Variants in RYR3 observed in about 807,000 individuals in gnomAD.
RYR3 encodes the protein brain ryanodine receptor-calcium release channel.
Under a neutral mutation model 584.3 loss-of-function variants are expected in RYR3, and 207 were observed. That is an observed-to-expected ratio of 0.35 (90% CI 0.32 to 0.40). RYR3 has a LOEUF of 0.40. Among genes scored for constraint, RYR3 ranks in the 10% least tolerant of loss-of-function variants. RYR3 has a pLI of 1.00. For missense variants in RYR3, 5,616 were observed against 6,089.2 expected, an observed-to-expected ratio of 0.92 and a Z score of 2.59; for synonymous variants, 2,416 against 2,248.5, an observed-to-expected ratio of 1.07 and a Z score of -2.11.
At chr15:33,833,893 CTTA>C (rs1596891843) in intron 86 of RYR3, among the ~76,000 whole-genome samples, 1 of 152,142 alleles carries the variant, frequency 6.6e-6, no homozygotes, top group East Asian at 1.9e-4. Flanking sequence ...TTAGAACTTT[CTTA>C]TTGAGTAATT....
chr15:33,700,399 C>T (rs571381647), intron 41 of RYR3, among the ~76,000 whole-genome samples: 2 of 152,216 alleles, frequency 1.3e-5, no homozygotes, highest in Non-Finnish European at 1.5e-5. Context: ...TGGGTATAAA[C>T]GAAATGAATG....
chr15:33,856,030 GTGACAGCCTCACAACTACC>G, intron 98 of RYR3: 1 of 152,240 alleles, frequency 6.6e-6, no homozygotes, highest in Admixed American at 6.5e-5. Context: ...CCCAGTTACT[GTGACAGCCTCACAACTACC>G]TGGTAAGGCA....
chr15:33,478,325 A>G (rs2049619714), intron 2 of RYR3, among the ~76,000 whole-genome samples: 1 of 152,164 alleles, frequency 6.6e-6, no homozygotes, highest in African/African-American at 2.4e-5. Flanking sequence ...AGAGCTTGAG[A>G]GGGTCCACGT....
intron 83 of RYR3, 133 bp from the exon 84 acceptor site, chr15:33,826,539 C>A: frequency 1.2e-6 from 1 of 853,104 alleles, no homozygotes; most frequent in South Asian, 1.4e-5. Context: ...TTGGGCTTTT[C>A]ACCATTCATC....
In RYR3 at chr15:33,830,485, C is replaced by T. The variant is rs928553659; in HGVS notation, c.11335-478C>T. Among the ~76,000 whole-genome samples, 8 of 152,144 alleles carry T rather than the reference C, an allele frequency of 5.3e-5. No homozygotes were observed. In the South Asian group the frequency reaches 8.3e-4, roughly 16 times the overall value. On this transcript the variant is annotated intron_variant, in intron 85 of 103. Coordinates refer to ENST00000634891, the MANE Select transcript of RYR3 (RefSeq NM_001036.6). ...ATATTGTAAACATAACTTTGATGTA[C>T]GCTGAGAAATCAACATTTTGTATGA... is the stretch of plus-strand genomic sequence containing the variant.
chr15:33,564,378 C>G (rs2057582459), intron 11 of RYR3, among the ~76,000 whole-genome samples: 1 of 152,134 alleles, frequency 6.6e-6, no homozygotes, highest in Non-Finnish European at 1.5e-5. Context: ...TAGGGATATA[C>G]AAGTCAGGGT....
intron 1 of RYR3, among the ~76,000 whole-genome samples, chr15:33,335,085 G>A (rs1970803269): frequency 1.3e-5 from 2 of 152,220 alleles, no homozygotes; most frequent in Non-Finnish European, 2.9e-5. Flanking sequence ...TGTTGGGAGT[G>A]TAAATTAGTT....
intron 1 of RYR3, among the ~76,000 whole-genome samples, chr15:33,341,010 C>G (rs1301491856): frequency 1.3e-5 from 2 of 152,098 alleles, no homozygotes; most frequent in African/African-American, 2.4e-5. Context: ...CTGCTAAGCC[C>G]CATCCCCAGA....
Position 33,558,539 on chromosome 15 carries a change from G to A in RYR3, c.973-4298G>A, listed in dbSNP as rs571111457. 2.0e-5 allele frequency among the ~76,000 whole-genome samples: 3 copies of A among 151,996 alleles called. 1 individual carries two copies. The highest frequency in any genetic ancestry group is 2.0e-4 in the Admixed American group (3 of 15,248). ...TGGTTCCAAGTCTTTGCTATTGTGA[G>A]TAGTGCCGCAATAAACATACGTGTG... On this transcript the variant is annotated intron_variant, in intron 10 of 103. Coordinates refer to ENST00000634891, the MANE Select transcript of RYR3 (RefSeq NM_001036.6).
At chr15:33,359,581 C>CT (rs1420452940) in intron 1 of RYR3, among the ~76,000 whole-genome samples, 1 of 151,772 alleles carries the variant, frequency 6.6e-6, no homozygotes, top group Non-Finnish European at 1.5e-5. Context: ...TTAGAGAGGC[C>CT]TTCCCTGACC....
intron 93 of RYR3, among the ~76,000 whole-genome samples, chr15:33,846,161 G>A (rs1301624399): frequency 2.0e-5 from 3 of 152,056 alleles, no homozygotes; most frequent in Non-Finnish European, 2.9e-5. Flanking sequence ...TGTCCGGTAG[G>A]GTAGCTAGAC....
intron 67 of RYR3, among the ~76,000 whole-genome samples, chr15:33,789,628 A>ATATATATATATATATATATATT (rs2074977910): frequency 9.5e-5 from 1 of 10,478 alleles, no homozygotes. Context: ...TTTATTTTAT[A>ATATATATATATATATATATATT]TATATATATA....
intron 1 of RYR3, among the ~76,000 whole-genome samples, chr15:33,350,463 T>C (rs1273645968): frequency 6.6e-6 from 1 of 151,724 alleles, no homozygotes; most frequent in Non-Finnish European, 1.5e-5. Flanking sequence ...ATACATTTTT[T>C]TCAGCACCAC....
At chr15:33,843,815 C>T (rs536086678) in intron 92 of RYR3, among the ~76,000 whole-genome samples, 101 of 152,328 alleles carry the variant, frequency 6.6e-4, no homozygotes, top group Admixed American at 2.6e-3. Context: ...GTTGCTTAGT[C>T]TTCAAATACT....
At chr15:33,314,798 C>A (rs536406872) in intron 1 of RYR3, among the ~76,000 whole-genome samples, 1 of 152,258 alleles carries the variant, frequency 6.6e-6, no homozygotes, top group East Asian at 1.9e-4. Flanking sequence ...CCTGTAGTCC[C>A]AGCTGCTCGG....
At chr15:33,444,774 A>G (rs942808813) in intron 1 of RYR3, among the ~76,000 whole-genome samples, 2 of 152,192 alleles carry the variant, frequency 1.3e-5, no homozygotes, top group African/African-American at 4.8e-5. Context: ...TGAAAAGGAA[A>G]GGCTTGCCAC....
intron 38 of RYR3, among the ~76,000 whole-genome samples, chr15:33,682,192 C>G (rs989597217): frequency 6.6e-6 from 1 of 152,096 alleles, no homozygotes; most frequent in Non-Finnish European, 1.5e-5. Context: ...AAAGTCAGAG[C>G]AGAAAGTTAC....
In RYR3 at chr15:33,748,550, C is replaced by A. The variant is rs747164834; in HGVS notation, c.8199+20C>A. On this transcript the variant is annotated intron_variant, in intron 55 of 103. Coordinates refer to ENST00000634891, the MANE Select transcript of RYR3 (RefSeq NM_001036.6). ...CTCCAGGTCAGTGCCCCAGGTCCAG[C>A]ATGACTTGCTTTCAAGTGCAGGACG... 6.2e-7 allele frequency: 1 copy of A among 1,604,866 alleles called. No individual in the cohort carries two copies. The highest frequency in any genetic ancestry group is 8.5e-7 in the Non-Finnish European group (1 of 1,173,544).
At chr15:33,341,038 CTTTGT>C (rs776520286) in intron 1 of RYR3, among the ~76,000 whole-genome samples, 22 of 152,018 alleles carry the variant, frequency 1.4e-4, no homozygotes, top group African/African-American at 5.3e-4. Context: ...ATTCAGTGGA[CTTTGT>C]TTTGTTTTGT....
Sources: allele counts gnomAD v4.1 joint callset (sites outside exome capture counted in the v4.1 genomes callset), GRCh38; gene constraint gnomAD v4.1.1; transcripts MANE v1.5; gene names NCBI Gene and HGNC (gene_info 2026-07-23, HGNC 2026-07-21).